The following DDX19B variants were observed in gnomAD, a reference collection of about 807,000 sequenced individuals.
DDX19B encodes the protein DEAD-box helicase 19B.
Under a neutral mutation model 58.1 loss-of-function variants are expected in DDX19B, and 27 were observed. That is an observed-to-expected ratio of 0.46 (90% CI 0.34 to 0.64). DDX19B has a LOEUF of 0.64. DDX19B is among the 30% of genes least tolerant of loss of function. The pLI is 0.01. For synonymous variants in DDX19B, 187 were observed against 214.4 expected (o/e 0.87, Z 1.12); for missense variants, 399 against 596.5 (o/e 0.67, Z 3.45).
chr16:70,290,096 A>G, upstream of DDX19B: 1 of 268,396 alleles, frequency 3.7e-6, no homozygotes, highest in South Asian at 3.2e-5. Flanking sequence ...GGGTGAATAT[A>G]TATATATACA....
chr16:70,316,131 T>A lies in DDX19B; in HGVS notation c.296+27T>A. 3 of 1,613,782 alleles carry A rather than the reference T, an allele frequency of 1.9e-6. No individual in the cohort carries two copies. In the Middle Eastern group the frequency reaches 5.0e-4, roughly 266 times the overall value. On this transcript the variant is annotated intron_variant, in intron 4 of 11. Coordinates refer to ENST00000288071, the MANE Select transcript of DDX19B (RefSeq NM_007242.7). ...TGAGTATTTATTCACCTTCTGACTCTTCCCCTTTGCACTGAAATAGAGATC... is the reference window on the plus strand; with the variant it reads ...TGAGTATTTATTCACCTTCTGACTCATCCCCTTTGCACTGAAATAGAGATC...
Position 70,331,820 on chromosome 16 carries a change from A to T in DDX19B, c.1122A>T (p.Ala374=). 1 of 1,614,180 alleles carries T rather than the reference A, an allele frequency of 6.2e-7. No individual in the cohort carries two copies. Among genetic ancestry groups the T allele is most frequent in the Non-Finnish European group, 8.5e-7 (1 of 1,180,020 alleles). ...AGATGATGGTGGAACAGAGGGCTGC[A>T]GTGATTGAGCGCTTCCGAGAGGGCA... ...SGEMMVEQRA[A]VIERFREGKE... The change falls in exon 10 of 12, where the codon GCA becomes GCT. Residue 374 remains alanine, a synonymous_variant. Coordinates refer to ENST00000288071, the MANE Select transcript of DDX19B (RefSeq NM_007242.7).
chr16:70,312,715 T>G (rs1191389845), intron 2 of DDX19B, 58 bp downstream of exon 2: 2 of 1,503,898 alleles, frequency 1.3e-6, no homozygotes, highest in African/African-American at 2.8e-5. Context: ...ATTTTTGTTT[T>G]GGCATAACAA....
In DDX19B at chr16:70,335,265, A is replaced by C. The variant is rs1963659565; in HGVS notation, c.*1683A>C. 6.6e-6 allele frequency: 1 copy of C among 152,202 alleles called. No homozygotes were observed. The highest frequency in any genetic ancestry group is 1.5e-5 in the Non-Finnish European group (1 of 68,044). The allele number at this position is 152,202 out of a possible 1,614,324, so 9.4% of individuals were successfully genotyped here. On this transcript the variant is annotated 3_prime_UTR_variant, in exon 12 of 12. Coordinates refer to ENST00000288071, the MANE Select transcript of DDX19B (RefSeq NM_007242.7). ...GGACCAACCCTGAAATACTAAAAACAAGGGCAATAATTAAAGAAGTATAGA... is the reference window on the plus strand; with the variant it reads ...GGACCAACCCTGAAATACTAAAAACCAGGGCAATAATTAAAGAAGTATAGA...
At chr16:70,303,273 G>C (rs1210784825) in intron 1 of DDX19B, among the ~76,000 whole-genome samples, 1 of 152,074 alleles carries the variant, frequency 6.6e-6, no homozygotes, top group Admixed American at 6.6e-5. Context: ...CCTGTCTCCA[G>C]AGTAGCTGGG....
chr16:70,329,240 A>AG (rs1555549268), intron 7 of DDX19B, 52 bp from the exon 8 acceptor site: 20 of 1,564,890 alleles, frequency 1.3e-5, no homozygotes, highest in African/African-American at 7.0e-5. Context: ...AAAAAAAAAA[A>AG]AAAGAAAGAA....
At chr16:70,296,967 G>A (rs1472492083), upstream of DDX19B, among the ~76,000 whole-genome samples, 1 of 152,162 alleles carries the variant, frequency 6.6e-6, no homozygotes, top group Non-Finnish European at 1.5e-5. Context: ...CCAGGCTGGA[G>A]TGCAGTGGCA....
chr16:70,295,810 T>C (rs3848280), upstream of DDX19B, among the ~76,000 whole-genome samples: 3,308 of 152,050 alleles, frequency 0.022, 54 homozygotes, highest in Non-Finnish European at 0.035. Context: ...GGATATAGTA[T>C]GTGCTGTAAT....
At chr16:70,322,758 G>A (rs141160307) in intron 5 of DDX19B, among the ~76,000 whole-genome samples, 1 of 152,100 alleles carries the variant, frequency 6.6e-6, no homozygotes, top group East Asian at 1.9e-4. Flanking sequence ...CAGACGTGGT[G>A]GCAGGCATCT....
chr16:70,316,732 A>T (rs1962439711), intron 4 of DDX19B, among the ~76,000 whole-genome samples: 1 of 152,198 alleles, frequency 6.6e-6, no homozygotes, highest in South Asian at 2.1e-4. Flanking sequence ...CTTTAGCTGT[A>T]CTAACATGTA....
chr16:70,315,828 T>C, intron 3 of DDX19B, 141 bp from the exon 4 acceptor site: 1 of 1,178,160 alleles, frequency 8.5e-7, no homozygotes, highest in Non-Finnish European at 1.1e-6. Context: ...TATTTTAATT[T>C]ATAAGTCAAA....
chr16:70,329,174 G>C (rs1246931602), intron 7 of DDX19B, 118 bp from the exon 8 acceptor site: 2 of 1,364,028 alleles, frequency 1.5e-6, no homozygotes, highest in Non-Finnish European at 2.0e-6. Context: ...AGTGAGTCGA[G>C]ATCATGCCAT....
chr16:70,304,302 G>A (rs908062692), intron 1 of DDX19B, among the ~76,000 whole-genome samples: 1 of 150,102 alleles, frequency 6.7e-6, no homozygotes, highest in East Asian at 2.0e-4. Context: ...GCCTCCCAAA[G>A]TGCTTGATTA....
chr16:70,309,817 CAAAAA>C (rs61033553), intron 1 of DDX19B, among the ~76,000 whole-genome samples: 9 of 42,636 alleles, frequency 2.1e-4, no homozygotes, highest in African/African-American at 1.0e-3. Flanking sequence ...GACTCCGTCT[CAAAAA>C]AAAAAAAAAA....
At chr16:70,320,185 C>G (rs1476397478) in intron 5 of DDX19B, among the ~76,000 whole-genome samples, 4 of 151,956 alleles carry the variant, frequency 2.6e-5, no homozygotes, top group Non-Finnish European at 5.9e-5. Flanking sequence ...TCATAGCTCA[C>G]TGCACCCTGA....
intron 1 of DDX19B, among the ~76,000 whole-genome samples, chr16:70,304,700 T>TGG: frequency 6.6e-6 from 1 of 152,144 alleles, no homozygotes; most frequent in Non-Finnish European, 1.5e-5. Context: ...TCCAGCACCA[T>TGG]TCGTTTAAAA....
intron 1 of DDX19B, among the ~76,000 whole-genome samples, chr16:70,308,588 C>G (rs529813894): frequency 1.3e-5 from 2 of 151,890 alleles, no homozygotes; most frequent in Non-Finnish European, 2.9e-5. Flanking sequence ...CCAGGCTTGT[C>G]TCGAACTCCA....
intron 6 of DDX19B, 140 bp downstream of exon 6, chr16:70,324,827 G>GGATC: frequency 1.4e-6 from 1 of 691,190 alleles, no homozygotes; most frequent in Non-Finnish European, 2.3e-6. Flanking sequence ...CGAGGTGGGC[G>GGATC]GATCACCTGA....
intron 6 of DDX19B, 92 bp downstream of exon 6, chr16:70,324,779 C>G: frequency 1.6e-6 from 2 of 1,262,136 alleles, no homozygotes; most frequent in Non-Finnish European, 2.2e-6. Context: ...GGGCTGGGTG[C>G]AGTGGCTCAT....
Sources: allele counts gnomAD v4.1 joint callset (sites outside exome capture counted in the v4.1 genomes callset), GRCh38; gene constraint gnomAD v4.1.1; transcripts MANE v1.5; gene names NCBI Gene and HGNC (gene_info 2026-07-23, HGNC 2026-07-21).